Variants in PAPSS1 observed in about 807,000 individuals in gnomAD.
The protein encoded by PAPSS1 is 3'-phosphoadenosine 5'-phosphosulfate synthase 1, also known as bifunctional 3'-phosphoadenosine 5'-phosphosulfate synthase 1.
Under a neutral mutation model 72.0 loss-of-function variants are expected in PAPSS1, and 50 were observed. That is an observed-to-expected ratio of 0.69 (90% CI 0.55 to 0.88). The LOEUF (loss-of-function observed/expected upper bound fraction) is 0.88, where lower values mean the gene tolerates loss of function less well. PAPSS1 is among the 40% of genes least tolerant of loss of function. The pLI, the probability that PAPSS1 is intolerant of heterozygous loss-of-function variation, is 0.00. For synonymous variants in PAPSS1, 261 were observed against 263.6 expected (o/e 0.99, Z 0.09); for missense variants, 657 against 782.2 (o/e 0.84, Z 1.91).
At chr4:107,648,856 C>G (rs1376693765) in intron 9 of PAPSS1, among the ~76,000 whole-genome samples, 1 of 152,162 alleles carries the variant, frequency 6.6e-6, no homozygotes, top group East Asian at 1.9e-4. Context: ...CATAAACTAA[C>G]AGTCTTTCTT....
chr4:107,706,140 G>T (rs1723335234), intron 1 of PAPSS1, among the ~76,000 whole-genome samples: 1 of 152,148 alleles, frequency 6.6e-6, no homozygotes, highest in Non-Finnish European at 1.5e-5. Flanking sequence ...TGTTTGGATT[G>T]AATCTGATTA....
chr4:107,654,897 C>G lies in PAPSS1; in HGVS notation c.899G>C (p.Gly300Ala). 1 of 1,612,212 alleles carries G rather than the reference C, an allele frequency of 6.2e-7. No homozygotes were observed. Among genetic ancestry groups the G allele is most frequent in the Non-Finnish European group, 8.5e-7 (1 of 1,178,588 alleles). ...CLHFDCLLDG[G>A]VINLSVPIVL... ...TATAGGTACTGACAAGTTAATGACA[C>G]CTCCTGCAGAGCACAAAAGAACATG... Residue 300 changes from glycine to alanine, a missense_variant, in exon 8 of 12, where the codon GGT becomes GCT. Gly to Ala is a moderately conservative substitution (Grantham distance 60). Transcript: ENST00000265174.
At position 107,646,377 on chromosome 4, in the gene PAPSS1, C is replaced by CT. The variant is rs1157533696; in HGVS notation, c.1238-1308dup. ...CACACACATCTCTTAGTTTTGTCCA[C>CT]TTTTTTTTTTTTTGTAGCACCGTTG... is the stretch of plus-strand genomic sequence containing the variant. On this transcript the variant is annotated intron_variant, in intron 9 of 11. Coordinates refer to ENST00000265174, the MANE Select transcript of PAPSS1 (RefSeq NM_005443.5). Among the ~76,000 whole-genome samples, 242 of 142,430 alleles carry CT rather than the reference C, an allele frequency of 1.7e-3. 1 individual carries two copies. Among genetic ancestry groups the CT allele is most frequent in the East Asian group, 3.4e-3 (17 of 4,956 alleles). The allele number at this position is 142,430 out of a possible 152,430, so 93.4% of individuals were successfully genotyped here.
intron 5 of PAPSS1, among the ~76,000 whole-genome samples, chr4:107,675,715 G>A (rs1727622925): frequency 6.6e-6 from 1 of 152,072 alleles, no homozygotes; most frequent in Non-Finnish European, 1.5e-5. Flanking sequence ...ACCAAAGCCT[G>A]GCAGAGACAC....
rs750121548 is a variant in PAPSS1 at position 107,656,972 on chromosome 4, AC to A, written c.818del (p.Gly273ValfsTer6). 6.2e-7 allele frequency: 1 copy of A among 1,614,054 alleles called. No homozygotes were observed. Among genetic ancestry groups the A allele is most frequent in the Admixed American group, 1.7e-5 (1 of 60,016 alleles). Reference protein sequence around the residue: ...DMQWVQVLAEGWATPLNGFMR... With the variant: ...DMQWVQVLAEXWATPLNGFMR... Reference sequence around the variant, plus strand: ...TAAAGCCATTCAATGGGGTTGCCCAACCTTCTGCCAAAACCTGCACCCACTG... The same window carrying A: ...TAAAGCCATTCAATGGGGTTGCCCAACTTCTGCCAAAACCTGCACCCACTG... On this transcript the variant is annotated frameshift_variant, in exon 7 of 12. Coordinates refer to ENST00000265174, the MANE Select transcript of PAPSS1 (RefSeq NM_005443.5). LOFTEE classifies it high-confidence loss of function.
In PAPSS1 at chr4:107,682,074, T is replaced by A. The variant is rs1220880522; in HGVS notation, c.610A>T (p.Thr204Ser). The A allele has an allele frequency of 6.2e-7, 1 of 1,612,200 alleles. No homozygotes were observed. Among genetic ancestry groups the A allele is most frequent in the East Asian group, 2.2e-5 (1 of 44,856 alleles). ...KPEAPELVLK[T>S]DSCDVNDCVQ... ...CAGTCATTTACATCACAGGAGTCTG[T>A]TTTCAGCACCAACTCAGGGGCCTCT... Residue 204 changes from threonine (T) to serine (S), a missense_variant, in exon 5 of 12, where the codon ACA becomes TCA. This residue lies in a region of PAPSS1 where 28 missense variants were observed against 60.8 expected (regional missense o/e 0.46). Coordinates refer to ENST00000265174, the MANE Select transcript of PAPSS1 (RefSeq NM_005443.5).
At position 107,614,154 on chromosome 4, in the gene PAPSS1, T is replaced by A; in HGVS notation, c.*95A>T. On this transcript the variant is annotated 3_prime_UTR_variant, in exon 12 of 12. Coordinates refer to ENST00000265174, the MANE Select transcript of PAPSS1 (RefSeq NM_005443.5). ...AAATGGTCTGTTTTTAGGAAGCATG[T>A]CCAGACAGACACCACAAAGAAATGC... The A allele has an allele frequency of 7.5e-7, 1 of 1,324,762 alleles. No homozygotes were observed. The highest frequency in any genetic ancestry group is 1.0e-6 in the Non-Finnish European group (1 of 953,588). The allele number at this position is 1,324,762 out of a possible 1,614,324, so 82.1% of individuals were successfully genotyped here.
At chr4:107,676,165 T>C (rs1246525716) in intron 5 of PAPSS1, among the ~76,000 whole-genome samples, 1 of 152,096 alleles carries the variant, frequency 6.6e-6, no homozygotes, top group Non-Finnish European at 1.5e-5. Flanking sequence ...TTCAACACAG[T>C]GTTGGAAGTT....
At chr4:107,655,106 A>T (rs1283674242) in intron 7 of PAPSS1, among the ~76,000 whole-genome samples, 1 of 84,512 alleles carries the variant, frequency 1.2e-5, no homozygotes, top group Non-Finnish European at 2.6e-5. Context: ...CTCCCAAGTT[A>T]AAAAAAAAAA....
chr4:107,696,655 T>C (rs1372507615), intron 2 of PAPSS1, among the ~76,000 whole-genome samples: 1 of 151,760 alleles, frequency 6.6e-6, no homozygotes, highest in Non-Finnish European at 1.5e-5. Context: ...ACCCAGATGA[T>C]GGGTTAACAG....
At chr4:107,719,057 T>A in intron 1 of PAPSS1, among the ~76,000 whole-genome samples, 1 of 152,114 alleles carries the variant, frequency 6.6e-6, no homozygotes, top group Admixed American at 6.5e-5. Flanking sequence ...ATCTTTTAAA[T>A]CTCCTTCCCC....
At chr4:107,668,098 T>G (rs188507809) in intron 5 of PAPSS1, among the ~76,000 whole-genome samples, 97 of 152,188 alleles carry the variant, frequency 6.4e-4, no homozygotes, top group African/African-American at 1.7e-3. Flanking sequence ...AGAAATAAAC[T>G]AGAAATGGAA....
At position 107,658,291 on chromosome 4, in the gene PAPSS1, GAA is replaced by G. The variant is rs1232647343; in HGVS notation, c.784-1286_784-1285del. Among the ~76,000 whole-genome samples the G allele has an allele frequency of 6.5e-3, 644 of 98,482 alleles. 7 individuals carry two copies. Among genetic ancestry groups the G allele is most frequent in the African/African-American group, 0.024 (622 of 26,226 alleles). The allele number at this position is 98,482 out of a possible 152,430, so 64.6% of individuals were successfully genotyped here. A position where few individuals can be genotyped will look rare whatever the true frequency, so the allele number is the denominator to read the frequency against. On this transcript the variant is annotated intron_variant, in intron 6 of 11. Transcript: ENST00000265174. Reference sequence around the variant, plus strand: ...ACCTTCTGTTCTGTGGTCTTGTTAGGAAAAAAAAAAAAAAAGGGAAGCCACTG... The same window carrying G: ...ACCTTCTGTTCTGTGGTCTTGTTAGGAAAAAAAAAAAAAGGGAAGCCACTG...
chr4:107,670,174 T>C (rs562409597), intron 5 of PAPSS1, among the ~76,000 whole-genome samples: 1 of 152,332 alleles, frequency 6.6e-6, no homozygotes, highest in African/African-American at 2.4e-5. Context: ...ACTATAAATA[T>C]GTCCCTTATA....
intron 1 of PAPSS1, among the ~76,000 whole-genome samples, chr4:107,711,484 C>T (rs1019373441): frequency 2.0e-5 from 3 of 151,706 alleles, no homozygotes; most frequent in African/African-American, 7.2e-5. Context: ...AATTTTTCAT[C>T]ATTTTATAAA....
At position 107,679,681 on chromosome 4, in the gene PAPSS1, C is replaced by A. The variant is rs1238742036; in HGVS notation, c.669+2334G>T. 2.8e-5 allele frequency among the ~76,000 whole-genome samples: 4 copies of A among 142,354 alleles called. No homozygotes were observed. The South Asian group carries it at 6.7e-4, about 24-fold the overall frequency. 93.4% of individuals were successfully genotyped at this position (142,354 alleles called of 152,430 possible). On this transcript the variant is annotated intron_variant, in intron 5 of 11. Coordinates refer to ENST00000265174, the MANE Select transcript of PAPSS1 (RefSeq NM_005443.5). ...CACATGTTCAAACCATGAGGCAGGACTTTTTTTTTTTTTTTGAGACAGAAT... is the reference window on the plus strand; with the variant it reads ...CACATGTTCAAACCATGAGGCAGGAATTTTTTTTTTTTTTTGAGACAGAAT...
intron 3 of PAPSS1, among the ~76,000 whole-genome samples, chr4:107,690,463 C>A (rs1266116539): frequency 6.6e-6 from 1 of 152,222 alleles, no homozygotes. Flanking sequence ...CTGTGATTCT[C>A]TCATAACACC....
chr4:107,654,390 C>T (rs1199349135), intron 8 of PAPSS1, among the ~76,000 whole-genome samples: 1 of 152,216 alleles, frequency 6.6e-6, no homozygotes, highest in Non-Finnish European at 1.5e-5. Context: ...AAGCACACGA[C>T]GAGATTGTAT....
In PAPSS1 at chr4:107,631,812, T is replaced by C. The variant is rs183618664; in HGVS notation, c.1555A>G (p.Ile519Val). 4.6e-5 allele frequency: 74 copies of C among 1,614,078 alleles called. No homozygotes were observed. In the East Asian group the frequency reaches 1.6e-3, roughly 34 times the overall value. Residue 519 changes from isoleucine to valine, a missense_variant, in exon 11 of 12, where the codon ATT becomes GTT. Physicochemically the swap from Ile to Val is conservative, Grantham distance 29. Coordinates refer to ENST00000265174, the MANE Select transcript of PAPSS1 (RefSeq NM_005443.5). The stretch of plus-strand genomic sequence containing the variant: ...ATGCCAGCAGGGTCTCGTCCAACAA[T>C]GTAAAAGTTGGCTCCTGCAACCATC... ...ARMVAGANFYIVGRDPAGMPH... is the reference protein window; with the variant it reads ...ARMVAGANFYVVGRDPAGMPH...
Sources: gnomAD v4.1 joint callset for allele counts (sites outside exome capture counted in the v4.1 genomes callset) on GRCh38, gnomAD v4.1.1 for gene constraint, gnomAD v4.1.1 regional missense constraint, MANE v1.5 for transcripts, NCBI Gene and HGNC (gene_info 2026-07-23, HGNC 2026-07-21) for gene names.